DSCAML1: variants seen among roughly 807,000 people sequenced by gnomAD.
The protein encoded by DSCAML1 is DS cell adhesion molecule like 1.
A neutral mutation model predicts 200.5 loss-of-function variants in DSCAML1; 38 were observed. The observed-to-expected ratio is 0.19, with a 90% CI of 0.15 to 0.25. The LOEUF (loss-of-function observed/expected upper bound fraction) is 0.25, where lower values mean the gene tolerates loss of function less well. DSCAML1 is among the 10% of genes least tolerant of loss of function. The probability of loss-of-function intolerance (pLI) is 1.00; values close to 1 mark genes in which losing one functional copy is unlikely to be tolerated. For synonymous variants in DSCAML1, 1,215 were observed against 1,165.0 expected, an observed-to-expected ratio of 1.04 and a Z score of -0.87; for missense variants, 2,223 against 2,858.8, an observed-to-expected ratio of 0.78 and a Z score of 5.07.
intron 20 of DSCAML1, among the ~76,000 whole-genome samples, chr11:117,445,640 C>T (rs1404842332): frequency 6.6e-6 from 1 of 152,196 alleles, no homozygotes; most frequent in Non-Finnish European, 1.5e-5. Flanking sequence ...ATATTCTTCT[C>T]CGGGCTTGTT....
Position 117,461,796 on chromosome 11 carries a change from T to C in DSCAML1, c.3266-200A>G, listed in dbSNP as rs75355006. Among the ~76,000 whole-genome samples the C allele has an allele frequency of 0.11, 17,025 of 152,180 alleles. 1,078 individuals carry two copies. The highest frequency in any genetic ancestry group is 0.19 in the Admixed American group (2,895 of 15,298). Reference sequence around the variant, plus strand: ...TGAACCGAGTTTCCTTTCCTGGAGATTGGGGCAGACAGAAATCTTTACAGA... The same window carrying C: ...TGAACCGAGTTTCCTTTCCTGGAGACTGGGGCAGACAGAAATCTTTACAGA... On this transcript the variant is annotated intron_variant, in intron 17 of 32. Coordinates refer to ENST00000651296, the MANE Select transcript of DSCAML1 (RefSeq NM_020693.4).
At position 117,469,852 on chromosome 11, in the gene DSCAML1, G is replaced by T; in HGVS notation, c.3024+58C>A. 2 of 1,510,376 alleles carry T rather than the reference G, an allele frequency of 1.3e-6. No homozygotes were observed. The highest frequency in any genetic ancestry group is 1.8e-6 in the Non-Finnish European group (2 of 1,110,918). 93.6% of individuals were successfully genotyped at this position (1,510,376 alleles called of 1,614,324 possible). On this transcript the variant is annotated intron_variant, in intron 16 of 32. Coordinates refer to ENST00000651296, the MANE Select transcript of DSCAML1 (RefSeq NM_020693.4). The surrounding 1 kb of genome is among the most constrained non-coding windows in gnomAD (Gnocchi z 4.1). ...AAGCCTGCTGGGAGCTTTCGTCCTG[G>T]ATTGAGGAGAGAGGAGGCAAGCAGA...
At chr11:117,476,613 T>G (rs1175866251) in intron 14 of DSCAML1, among the ~76,000 whole-genome samples, 1 of 152,264 alleles carries the variant, frequency 6.6e-6, no homozygotes, top group African/African-American at 2.4e-5. Context: ...ATCCTTGCTC[T>G]GTGCTTGGTG....
chr11:117,789,758 C>T (rs966823172), intron 1 of DSCAML1, among the ~76,000 whole-genome samples: 6 of 152,114 alleles, frequency 3.9e-5, no homozygotes, highest in African/African-American at 7.2e-5. Flanking sequence ...GTGGTCCAAG[C>T]GGTGACATCA....
Position 117,505,702 on chromosome 11 carries a change from G to A in DSCAML1, c.1814C>T (p.Pro605Leu). 1.9e-6 allele frequency: 3 copies of A among 1,612,518 alleles called. No individual in the cohort carries two copies. The highest frequency in any genetic ancestry group is 2.5e-6 in the Non-Finnish European group (3 of 1,179,292). Residue 605 changes from proline (P) to leucine (L), a missense_variant, in exon 9 of 33, where the codon CCA (proline) becomes CTA (leucine). Around this residue, in one of 7 missense-constraint regions of DSCAML1, gnomAD observed 212 missense variants for 368.0 expected, o/e 0.58. Transcript: ENST00000651296. This position sits in a 1 kb window ranked among gnomAD's most constrained non-coding sequence, Gnocchi z 6.7. Reference sequence around the variant, plus strand: ...GAGCAGCTGGCCGATGGAGGCGGGTGGGAATTCGAAGGGCTGGATCAGAGG... The same window carrying A: ...GAGCAGCTGGCCGATGGAGGCGGGTAGGAATTCGAAGGGCTGGATCAGAGG... ...VPPLIQPFEFPPASIGQLLYI... is the reference protein window; with the variant it reads ...VPPLIQPFEFLPASIGQLLYI...
intron 1 of DSCAML1, among the ~76,000 whole-genome samples, chr11:117,785,193 G>A (rs1178186444): frequency 1.3e-5 from 2 of 152,234 alleles, no homozygotes; most frequent in African/African-American, 4.8e-5. Flanking sequence ...CCTTCCAGGA[G>A]CTTGTAAAGG....
At chr11:117,710,485 G>A (rs1020066916) in intron 3 of DSCAML1, among the ~76,000 whole-genome samples, 2 of 152,168 alleles carry the variant, frequency 1.3e-5, no homozygotes, top group East Asian at 1.9e-4. Context: ...TCTCTGCAAC[G>A]TTAGCAACCC....
intron 3 of DSCAML1, among the ~76,000 whole-genome samples, chr11:117,734,312 G>A (rs2054280640): frequency 6.6e-6 from 1 of 152,186 alleles, no homozygotes; most frequent in South Asian, 2.1e-4. Flanking sequence ...ACGGGGTGGG[G>A]GAACCCAGTG....
intron 12 of DSCAML1, 120 bp downstream of exon 12, chr11:117,481,843 T>C: frequency 5.5e-6 from 6 of 1,088,602 alleles, no homozygotes; most frequent in Non-Finnish European, 8.0e-6. Flanking sequence ...AGGTACATTT[T>C]TGGGGTGTGG....
intron 8 of DSCAML1, among the ~76,000 whole-genome samples, chr11:117,510,135 C>T (rs2840350): frequency 0.43 from 64,870 of 152,122 alleles, 13,981 homozygotes; most frequent in South Asian, 0.55. Context: ...CAGAGGAAGG[C>T]GTGCTGACCA....
chr11:117,660,320 G>A (rs906911368), intron 3 of DSCAML1, among the ~76,000 whole-genome samples: 29 of 152,198 alleles, frequency 1.9e-4, no homozygotes, highest in African/African-American at 6.8e-4. Flanking sequence ...TGAAAGCACC[G>A]TTGAGGAGCC....
rs1340681210 is a variant in DSCAML1 at position 117,489,366 on chromosome 11, C to T, written c.2360-7204G>A. ...AAAAGCACCTCACTGCTCTGTAGGG[C>T]ACAGGAGGCTTTAATGAAATACAAC... On this transcript the variant is annotated intron_variant, in intron 11 of 32. Coordinates refer to ENST00000651296, the MANE Select transcript of DSCAML1 (RefSeq NM_020693.4). The surrounding 1 kb of genome is among the most constrained non-coding windows in gnomAD (Gnocchi z 4.8). Among the ~76,000 whole-genome samples the T allele has an allele frequency of 6.6e-6, 1 of 152,198 alleles. No homozygotes were observed. Among genetic ancestry groups the T allele is most frequent in the Non-Finnish European group, 1.5e-5 (1 of 68,028 alleles).
At chr11:117,553,723 T>C (rs2050508832) in intron 3 of DSCAML1, among the ~76,000 whole-genome samples, 1 of 152,248 alleles carries the variant, frequency 6.6e-6, no homozygotes, top group Non-Finnish European at 1.5e-5. Context: ...AGCAAAACAG[T>C]GGATGGCTCC....
intron 1 of DSCAML1, among the ~76,000 whole-genome samples, chr11:117,793,904 C>T (rs2055522967): frequency 6.6e-6 from 1 of 152,216 alleles, no homozygotes; most frequent in African/African-American, 2.4e-5. Context: ...CTGCCAATCT[C>T]CCTCATGTTA....
chr11:117,529,147 C>T (rs192370326), intron 4 of DSCAML1, among the ~76,000 whole-genome samples: 10 of 152,214 alleles, frequency 6.6e-5, no homozygotes, highest in Non-Finnish European at 1.2e-4. Context: ...CTCGCGTTCT[C>T]GGTTCACTGC....
chr11:117,672,502 G>C (rs1366320083), intron 3 of DSCAML1, among the ~76,000 whole-genome samples: 1 of 152,132 alleles, frequency 6.6e-6, no homozygotes, highest in Non-Finnish European at 1.5e-5. Flanking sequence ...GTGCTCCAAG[G>C]ATAAGGATTT....
chr11:117,750,338 C>G (rs755270983), intron 3 of DSCAML1, among the ~76,000 whole-genome samples: 1 of 152,190 alleles, frequency 6.6e-6, no homozygotes, highest in Admixed American at 6.5e-5. Context: ...GAGACTGTTG[C>G]CCCTTTAGCA....
At chr11:117,575,894 GAACA>G (rs2050925887) in intron 3 of DSCAML1, among the ~76,000 whole-genome samples, 1 of 149,050 alleles carries the variant, frequency 6.7e-6, no homozygotes, top group Non-Finnish European at 1.5e-5. Context: ...AACAAAAAAA[GAACA>G]AGCAAGCAAG....
intron 11 of DSCAML1, among the ~76,000 whole-genome samples, chr11:117,500,654 C>T (rs2049377462): frequency 1.3e-5 from 2 of 152,180 alleles, no homozygotes; most frequent in African/African-American, 4.8e-5. Flanking sequence ...CTTTTAATCA[C>T]CACACTTTAT....
Sources: allele counts gnomAD v4.1 joint callset (sites outside exome capture counted in the v4.1 genomes callset), GRCh38; gene constraint gnomAD v4.1.1; regional missense constraint gnomAD v4.1.1; non-coding constraint Gnocchi (gnomAD v3.1); transcripts MANE v1.5; gene names NCBI Gene and HGNC (gene_info 2026-07-23, HGNC 2026-07-21).